Variants in KCNQ2 observed in about 807,000 individuals in gnomAD.
KCNQ2 encodes the protein potassium voltage-gated channel subfamily Q member 2, also known as potassium voltage-gated channel subfamily KQT member 2.
A neutral mutation model predicts 84.8 loss-of-function variants in KCNQ2; 14 were observed. The observed-to-expected ratio is 0.17, with a 90% CI of 0.11 to 0.26. The LOEUF is 0.26. Among genes scored for constraint, KCNQ2 ranks in the 10% least tolerant of loss-of-function variants. The pLI, the probability that KCNQ2 is intolerant of heterozygous loss-of-function variation, is 1.00. For missense variants in KCNQ2, 788 were observed against 1,254.0 expected, an observed-to-expected ratio of 0.63 and a Z score of 5.61; for synonymous variants, 599 against 554.1, an observed-to-expected ratio of 1.08 and a Z score of -1.14.
chr20:63,409,971 T>C (rs1210555792), intron 15 of KCNQ2: 1 of 259,330 alleles, frequency 3.9e-6, no homozygotes, highest in East Asian at 1.5e-4. Flanking sequence ...CTGCCTCTGA[T>C]GGGAGGGGGG....
At chr20:63,445,552 G>A (rs934371712) in intron 2 of KCNQ2, 188 bp from the exon 3 acceptor site, 2 of 553,196 alleles carry the variant, frequency 3.6e-6, no homozygotes, top group African/African-American at 4.3e-5. Flanking sequence ...GCCCTCTGGA[G>A]ACCCTGCATC....
At chr20:63,415,154 C>CAGACAGAT (rs755656840) in intron 12 of KCNQ2, 28 bp from the exon 13 acceptor site, 2 of 1,575,270 alleles carry the variant, frequency 1.3e-6, no homozygotes, top group African/African-American at 2.7e-5. Context: ...GACAGACAGA[C>CAGACAGAT]AGAAAAACAG....
rs558199003 is a variant in KCNQ2, at chr20:63,460,475, C to A, written c.296+11693G>T. Among the ~76,000 whole-genome samples the A allele has an allele frequency of 4.0e-5, 6 of 151,756 alleles. No individual in the cohort carries two copies. Among genetic ancestry groups the A allele is most frequent in the African/African-American group, 1.5e-4 (6 of 41,250 alleles). ...CCCCCACAGCCCCCTGAGACAGCCA[C>A]GCCTAACCCCCTCCCAAGCAGGCCA... On this transcript the variant is annotated intron_variant, in intron 1 of 16. Transcript: ENST00000359125. The surrounding 1 kb of genome is among the most constrained non-coding windows in gnomAD (Gnocchi z 5.4).
At chr20:63,412,355 TGTG>T (rs1184849498) in intron 15 of KCNQ2, 1 of 165,458 alleles carries the variant, frequency 6.0e-6, no homozygotes, top group Admixed American at 6.1e-5. Flanking sequence ...GTGAGAGAGA[TGTG>T]GAGACAAAGC....
chr20:63,431,567 T>G (rs1029619570), intron 8 of KCNQ2, among the ~76,000 whole-genome samples, 198 bp from the exon 9 acceptor site: 4 of 152,034 alleles, frequency 2.6e-5, no homozygotes, highest in Non-Finnish European at 5.9e-5. Flanking sequence ...ATGGCCGACA[T>G]TCCCAGGAAA....
intron 1 of KCNQ2, among the ~76,000 whole-genome samples, chr20:63,452,486 G>C (rs2081642688): frequency 1.3e-5 from 2 of 152,238 alleles, no homozygotes; most frequent in Admixed American, 6.5e-5. Flanking sequence ...GCTGAGCTAA[G>C]TGTTCATGCC....
At position 63,408,777 on chromosome 20, in the gene KCNQ2, G is replaced by A. The variant is rs562456537; in HGVS notation, c.1764-241C>T. Among the ~76,000 whole-genome samples, 13 of 152,306 alleles carry A rather than the reference G, an allele frequency of 8.5e-5. No homozygotes were observed. The South Asian group carries it at 1.9e-3, about 22-fold the overall frequency. Reference sequence around the variant, plus strand: ...TCCCCAAGGGGCCTGGCACATTAGCGAGGAGTAAAGTAAGGACGCTCCCAC... The same window carrying A: ...TCCCCAAGGGGCCTGGCACATTAGCAAGGAGTAAAGTAAGGACGCTCCCAC... On this transcript the variant is annotated intron_variant, in intron 15 of 16. Transcript: ENST00000359125. The surrounding 1 kb of genome is among the most constrained non-coding windows in gnomAD (Gnocchi z 5.0).
At chr20:63,451,599 T>A (rs2081617569) in intron 1 of KCNQ2, among the ~76,000 whole-genome samples, 1 of 152,132 alleles carries the variant, frequency 6.6e-6, no homozygotes, top group Non-Finnish European at 1.5e-5. Flanking sequence ...GCAAAGTGCC[T>A]CCAGGACCTG....
intron 4 of KCNQ2, among the ~76,000 whole-genome samples, chr20:63,443,064 C>T (rs1447326102): frequency 3.5e-5 from 4 of 113,946 alleles, no homozygotes; most frequent in African/African-American, 1.4e-4. Flanking sequence ...GCATCACCAT[C>T]ACCATTATCA....
intron 1 of KCNQ2, among the ~76,000 whole-genome samples, chr20:63,456,438 G>A (rs1003543382): frequency 6.6e-6 from 1 of 152,158 alleles, no homozygotes; most frequent in Non-Finnish European, 1.5e-5. Flanking sequence ...CTCCAAGTTG[G>A]CCAGGGCTGT....
chr20:63,419,448 C>T (rs938368731), intron 12 of KCNQ2, among the ~76,000 whole-genome samples, 171 bp downstream of exon 12: 1 of 152,244 alleles, frequency 6.6e-6, no homozygotes, highest in Non-Finnish European at 1.5e-5. Context: ...CCGCCCTGCA[C>T]GCAGCTGTCG....
Position 63,408,317 on chromosome 20 carries a change from C to T in KCNQ2, c.1887+96G>A, listed in dbSNP as rs2080010953. 1.0e-5 allele frequency: 15 copies of T among 1,498,742 alleles called. No individual in the cohort carries two copies. The South Asian group carries it at 1.8e-4, about 18-fold the overall frequency. 92.8% of individuals were successfully genotyped at this position (1,498,742 alleles called of 1,614,324 possible). ...GTAAACCCTAGACTTGAGGAGCCCT[C>T]CGTGGCACCCAGCCCCTGAAGCCCA... is the stretch of plus-strand genomic sequence containing the variant. On this transcript the variant is annotated intron_variant, in intron 16 of 16. Transcript: ENST00000359125. The surrounding 1 kb of genome is among the most constrained non-coding windows in gnomAD (Gnocchi z 5.0).
At chr20:63,429,880 A>G (rs989319766) in intron 9 of KCNQ2, among the ~76,000 whole-genome samples, 23 of 152,284 alleles carry the variant, frequency 1.5e-4, no homozygotes, top group African/African-American at 4.8e-4. Flanking sequence ...GCAGCCCCAG[A>G]GGTGCCCCCA....
intron 7 of KCNQ2, chr20:63,434,246 T>C: frequency 3.1e-6 from 1 of 322,396 alleles, no homozygotes; most frequent in Non-Finnish European, 5.7e-6. Flanking sequence ...GTCCTGGGGG[T>C]TACCTTCCTG....
intron 1 of KCNQ2, among the ~76,000 whole-genome samples, chr20:63,447,047 A>G (rs1369509088): frequency 3.4e-5 from 5 of 149,028 alleles, no homozygotes; most frequent in African/African-American, 1.2e-4. Context: ...CGGGACCCTG[A>G]ACTCCACAGT....
chr20:63,428,921 G>C (rs937269428), intron 9 of KCNQ2, among the ~76,000 whole-genome samples: 1 of 152,122 alleles, frequency 6.6e-6, no homozygotes, highest in Non-Finnish European at 1.5e-5. Flanking sequence ...GCTTGGCAAA[G>C]AGCAGCTCAT....
chr20:63,457,490 C>T (rs887187867), intron 1 of KCNQ2, among the ~76,000 whole-genome samples: 4 of 152,230 alleles, frequency 2.6e-5, no homozygotes, highest in African/African-American at 9.6e-5. Flanking sequence ...CCTGCCTATG[C>T]CCGCCTGCAC....
intron 1 of KCNQ2, among the ~76,000 whole-genome samples, chr20:63,447,736 A>G (rs2081476756): frequency 6.6e-6 from 1 of 152,166 alleles, no homozygotes; most frequent in African/African-American, 2.4e-5. Context: ...CTGGGATTAC[A>G]GGCATGTGCC....
rs541767430 is a variant in KCNQ2, at chr20:63,437,953, A to G, written c.1023+672T>C. 7.9e-5 allele frequency among the ~76,000 whole-genome samples: 12 copies of G among 152,124 alleles called. No individual in the cohort carries two copies. In the East Asian group the frequency reaches 1.2e-3, roughly 15 times the overall value. On this transcript the variant is annotated intron_variant, in intron 7 of 16. Coordinates refer to ENST00000359125, the MANE Select transcript of KCNQ2 (RefSeq NM_172107.4). ...GCCTCCCGAGTAGCTGGGATTACAG[A>G]CGCACGCCACCACGCCCAGCTAATT...
Sources: gnomAD v4.1 joint callset for allele counts (sites outside exome capture counted in the v4.1 genomes callset) on GRCh38, gnomAD v4.1.1 for gene constraint, Gnocchi (gnomAD v3.1) non-coding constraint, MANE v1.5 for transcripts, NCBI Gene and HGNC (gene_info 2026-07-23, HGNC 2026-07-21) for gene names.